HMGCLL1: variants seen among roughly 807,000 people sequenced by gnomAD.
HMGCLL1 encodes 3-hydroxy-3-methylglutaryl-CoA lyase like 1.
A neutral mutation model predicts 39.1 loss-of-function variants in HMGCLL1; 36 were observed. The ratio of observed to expected loss-of-function variants is 0.92; its 90% CI spans 0.71 to 1.22. The LOEUF is 1.22. Among genes scored for constraint, HMGCLL1 ranks in the 50% most tolerant of loss-of-function variants. The pLI is 0.00. For synonymous variants in HMGCLL1, 149 were observed against 144.0 expected, an observed-to-expected ratio of 1.03 and a Z score of -0.25; for missense variants, 451 against 416.5, an observed-to-expected ratio of 1.08 and a Z score of -0.72.
intron 7 of HMGCLL1, among the ~76,000 whole-genome samples, chr6:55,481,476 T>A (rs1765739070): frequency 6.6e-6 from 1 of 152,036 alleles, no homozygotes; most frequent in Non-Finnish European, 1.5e-5. Context: ...TATAAAATTA[T>A]GTATTGTATG....
chr6:55,657,197 A>C, the HMGCLL1 span, among the ~76,000 whole-genome samples: 1 of 152,038 alleles, frequency 6.6e-6, no homozygotes, highest in South Asian at 2.1e-4. Flanking sequence ...GAAGCGCTTT[A>C]GTTTAAAGAG....
the HMGCLL1 span, among the ~76,000 whole-genome samples, chr6:55,620,508 T>G: frequency 2.0e-5 from 3 of 152,144 alleles, no homozygotes; most frequent in Non-Finnish European, 4.4e-5. Flanking sequence ...AATGCCTATT[T>G]GAGCCTTTTG....
At chr6:55,662,737 C>A in the HMGCLL1 span, among the ~76,000 whole-genome samples, 1 of 151,480 alleles carries the variant, frequency 6.6e-6, no homozygotes, top group Non-Finnish European at 1.5e-5. Flanking sequence ...GTTTTTTTTG[C>A]AATAGTTTCA....
chr6:55,613,426 C>T, the HMGCLL1 span, among the ~76,000 whole-genome samples: 3 of 152,098 alleles, frequency 2.0e-5, no homozygotes, highest in Non-Finnish European at 4.4e-5. Context: ...CCATATGACC[C>T]AGCAATCCCA....
chr6:55,613,002 A>G, the HMGCLL1 span, among the ~76,000 whole-genome samples: 3 of 152,198 alleles, frequency 2.0e-5, no homozygotes, highest in African/African-American at 7.2e-5. Flanking sequence ...CTACCATCCA[A>G]TTGAATAGGC....
the HMGCLL1 span, among the ~76,000 whole-genome samples, chr6:55,586,102 C>T: frequency 1.3e-5 from 2 of 151,986 alleles, no homozygotes; most frequent in African/African-American, 2.4e-5. Flanking sequence ...ACAAGGTAGT[C>T]AACACAAGAA....
the HMGCLL1 span, among the ~76,000 whole-genome samples, chr6:55,631,543 C>T: frequency 0.01 from 1,584 of 152,140 alleles, 14 homozygotes; most frequent in Middle Eastern, 0.017. Context: ...AGACAGTGCC[C>T]TGCTTTGGTG....
At chr6:55,575,494 C>G (rs947706925) in intron 1 of HMGCLL1, among the ~76,000 whole-genome samples, 2 of 152,022 alleles carry the variant, frequency 1.3e-5, no homozygotes, top group African/African-American at 4.8e-5. Context: ...CTTGCACACA[C>G]AAAACCATGG....
At chr6:55,594,348 G>A in the HMGCLL1 span, among the ~76,000 whole-genome samples, 18 of 151,962 alleles carry the variant, frequency 1.2e-4, no homozygotes, top group African/African-American at 4.4e-4. Flanking sequence ...ACACGGTCTT[G>A]GTGTCCTCTA....
At chr6:55,556,495 T>C (rs1477698677) in intron 1 of HMGCLL1, among the ~76,000 whole-genome samples, 1 of 151,992 alleles carries the variant, frequency 6.6e-6, no homozygotes, top group African/African-American at 2.4e-5. Context: ...CAGTGTTAGA[T>C]GGAGAAGAGT....
intron 5 of HMGCLL1, among the ~76,000 whole-genome samples, chr6:55,501,067 T>C (rs929682660): frequency 1.3e-5 from 2 of 151,308 alleles, no homozygotes; most frequent in African/African-American, 4.9e-5. Context: ...TTATTCACAC[T>C]TTCCCTCCAG....
At chr6:55,576,239 AG>A (rs1391833612) in intron 1 of HMGCLL1, among the ~76,000 whole-genome samples, 1 of 152,210 alleles carries the variant, frequency 6.6e-6, no homozygotes, top group Non-Finnish European at 1.5e-5. Flanking sequence ...ATGCAAGTTG[AG>A]GGCGGAAGAT....
intron 4 of HMGCLL1, among the ~76,000 whole-genome samples, chr6:55,514,548 T>C (rs549909481): frequency 1.8e-4 from 27 of 152,268 alleles, no homozygotes; most frequent in Middle Eastern, 3.4e-3. Context: ...TTATCCTCCA[T>C]GAAAAAATAT....
chr6:55,574,600 A>C (rs2127478472), intron 1 of HMGCLL1, among the ~76,000 whole-genome samples: 1 of 152,084 alleles, frequency 6.6e-6, no homozygotes, highest in South Asian at 2.1e-4. Context: ...AGAAGCTGGA[A>C]AAGAATAAAA....
At chr6:55,646,939 G>A in the HMGCLL1 span, among the ~76,000 whole-genome samples, 1 of 151,582 alleles carries the variant, frequency 6.6e-6, no homozygotes, top group Admixed American at 6.6e-5. Context: ...ATATTTCCTT[G>A]TTGATTTTCT....
chr6:55,478,714 T>C (rs1561906598), intron 7 of HMGCLL1, among the ~76,000 whole-genome samples: 1 of 151,390 alleles, frequency 6.6e-6, no homozygotes, highest in Non-Finnish European at 1.5e-5. Context: ...CTCAAATCTT[T>C]AGTGAAGGTC....
At chr6:55,549,491 T>C (rs1258964959) in intron 1 of HMGCLL1, among the ~76,000 whole-genome samples, 2 of 151,730 alleles carry the variant, frequency 1.3e-5, no homozygotes, top group African/African-American at 4.9e-5. Context: ...TCTGGGATGA[T>C]ACATTTCTGA....
chr6:55,508,662 T>A (rs1363795464), intron 5 of HMGCLL1, among the ~76,000 whole-genome samples: 1 of 151,816 alleles, frequency 6.6e-6, no homozygotes, highest in African/African-American at 2.4e-5. Flanking sequence ...AAATTCACTT[T>A]GTTATATCCT....
chr6:55,555,901 CAT>C (rs1296493795), intron 1 of HMGCLL1, among the ~76,000 whole-genome samples: 3 of 152,142 alleles, frequency 2.0e-5, no homozygotes, highest in Non-Finnish European at 4.4e-5. Flanking sequence ...ACGGAATACA[CAT>C]GTTTCTGTTG....
Sources: gnomAD v4.1 joint callset for allele counts (sites outside exome capture counted in the v4.1 genomes callset) on GRCh38, gnomAD v4.1.1 for gene constraint, MANE v1.5 for transcripts, NCBI Gene and HGNC (gene_info 2026-07-23, HGNC 2026-07-21) for gene names.